MCF2L2: variants seen among roughly 807,000 people sequenced by gnomAD.
MCF2L2 encodes the protein MCF.2 cell line derived transforming sequence-like 2.
MCF2L2 carries 102 observed loss-of-function variants against 150.2 expected under a neutral mutation model. The observed-to-expected ratio is 0.68, with a 90% confidence interval of 0.58 to 0.80. The LOEUF is 0.80. Ranked by LOEUF, MCF2L2 falls within the 30% of genes least tolerant of loss-of-function variation. The probability of loss-of-function intolerance (pLI) is 0.00; values close to 1 mark genes in which losing one functional copy is unlikely to be tolerated. For synonymous variants in MCF2L2, 465 were observed against 491.3 expected, an observed-to-expected ratio of 0.95 and a Z score of 0.71; for missense variants, 1,256 against 1,372.8, an observed-to-expected ratio of 0.91 and a Z score of 1.34.
At position 183,270,264 on chromosome 3, in the gene MCF2L2, A is replaced by G. The variant is rs1468655558; in HGVS notation, c.1862+6608T>C. The G allele has an allele frequency of 3.1e-6, 5 of 1,614,098 alleles. No individual in the cohort carries two copies. Among genetic ancestry groups the G allele is most frequent in the Admixed American group, 3.3e-5 (2 of 60,014 alleles). ...TTGGGAAGATCAAAGGTACAATGAT[A>G]TAATTCAGCAAGACTTTGTTGATTC... On this transcript the variant is annotated intron_variant, in intron 15 of 29. Transcript: ENST00000328913. The surrounding 1 kb of genome is among the most constrained non-coding windows in gnomAD (Gnocchi z 4.5).
In MCF2L2 at chr3:183,295,445, A is replaced by C; in HGVS notation, c.1530T>G (p.Asp510Glu). The C allele has an allele frequency of 6.2e-7, 1 of 1,614,088 alleles. No individual in the cohort carries two copies. Among genetic ancestry groups the C allele is most frequent in the Non-Finnish European group, 8.5e-7 (1 of 1,180,010 alleles). The change falls in exon 13 of 30, where the codon GAT becomes GAG. Residue 510 changes from aspartate (D) to glutamate (E), a missense_variant. Coordinates refer to ENST00000328913, the MANE Select transcript of MCF2L2 (RefSeq NM_015078.4). ...AKAQKVLQRL[D>E]DVQEIFHKRQ... is the part of the protein sequence containing the mutation. ...TCTTGTGAAATATTTCCTGGACATC[A>C]TCCAGCCTCTGCAAAACTTTCTGGG...
intron 1 of MCF2L2, chr3:183,400,636 T>A: frequency 2.9e-6 from 1 of 346,520 alleles, no homozygotes; most frequent in Non-Finnish European, 5.7e-6. Context: ...TTGATCCTTT[T>A]GATTGGTGAG....
chr3:183,218,171 T>C (rs1056839884), intron 21 of MCF2L2, among the ~76,000 whole-genome samples: 2 of 152,218 alleles, frequency 1.3e-5, no homozygotes, highest in Non-Finnish European at 2.9e-5. Flanking sequence ...TATTTGCATC[T>C]TTGGATGAGA....
At position 183,270,193 on chromosome 3, in the gene MCF2L2, G is replaced by T; in HGVS notation, c.1862+6679C>A. The T allele has an allele frequency of 6.2e-7, 1 of 1,614,160 alleles. No individual in the cohort carries two copies. The highest frequency in any genetic ancestry group is 8.5e-7 in the Non-Finnish European group (1 of 1,180,036). On this transcript the variant is annotated intron_variant, in intron 15 of 29. Coordinates refer to ENST00000328913, the MANE Select transcript of MCF2L2 (RefSeq NM_015078.4). This position sits in a 1 kb window ranked among gnomAD's most constrained non-coding sequence, Gnocchi z 4.5. ...AACATCAAAACTCTGTTTGCCTTAG[G>T]AACTCCTAATCCACTGGAGGGAGAA...
intron 15 of MCF2L2, among the ~76,000 whole-genome samples, chr3:183,250,574 G>A (rs1216326621): frequency 6.7e-6 from 1 of 149,134 alleles, no homozygotes; most frequent in South Asian, 2.1e-4. Flanking sequence ...GTGACAGAGC[G>A]ATACTTCGTT....
At chr3:183,325,411 T>A (rs1016664053) in intron 5 of MCF2L2, among the ~76,000 whole-genome samples, 4 of 152,156 alleles carry the variant, frequency 2.6e-5, no homozygotes, top group Non-Finnish European at 4.4e-5. Flanking sequence ...GTCTTGCTCC[T>A]CCACTTCTGA....
chr3:183,280,718 C>T (rs1054009080), intron 14 of MCF2L2, among the ~76,000 whole-genome samples: 1 of 151,686 alleles, frequency 6.6e-6, no homozygotes, highest in Non-Finnish European at 1.5e-5. Flanking sequence ...TATAGTGGTG[C>T]GCGCCTGTAC....
At chr3:183,401,039 C>T (rs1349902951) in intron 1 of MCF2L2, among the ~76,000 whole-genome samples, 1 of 152,050 alleles carries the variant, frequency 6.6e-6, no homozygotes, top group Non-Finnish European at 1.5e-5. Flanking sequence ...GGATGTAGAG[C>T]GCCTCCTGAA....
At chr3:183,411,684 C>T (rs147901009) in intron 1 of MCF2L2, among the ~76,000 whole-genome samples, 1 of 151,156 alleles carries the variant, frequency 6.6e-6, no homozygotes, top group Non-Finnish European at 1.5e-5. Flanking sequence ...GTAGCCATAG[C>T]TGAGAAGTAC....
At chr3:183,339,876 C>A (rs556363856) in intron 4 of MCF2L2, among the ~76,000 whole-genome samples, 1 of 152,078 alleles carries the variant, frequency 6.6e-6, no homozygotes, top group Non-Finnish European at 1.5e-5. Flanking sequence ...TGGCAGGTAG[C>A]CAGATTTGGG....
intron 13 of MCF2L2, 65 bp from the exon 14 acceptor site, chr3:183,289,285 G>A (rs753685976): frequency 3.2e-5 from 35 of 1,091,334 alleles, no homozygotes; most frequent in Admixed American, 5.6e-5. Flanking sequence ...CACTTTGTCT[G>A]ATTTGGACAA....
intron 23 of MCF2L2, 32 bp from the exon 24 acceptor site, chr3:183,206,246 A>C (rs761759081): frequency 2.0e-6 from 3 of 1,480,974 alleles, no homozygotes. Context: ...AATGTTCTAT[A>C]CCATCGTTTT....
intron 5 of MCF2L2, among the ~76,000 whole-genome samples, chr3:183,333,213 A>G (rs1403590554): frequency 2.0e-5 from 3 of 151,842 alleles, no homozygotes; most frequent in Non-Finnish European, 4.4e-5. Flanking sequence ...TGCCTGACTA[A>G]TTTTTGTATT....
At chr3:183,276,837 C>T (rs1183609594) in intron 15 of MCF2L2, 35 bp downstream of exon 15, 3 of 1,517,934 alleles carry the variant, frequency 2.0e-6, no homozygotes, top group African/African-American at 2.7e-5. Flanking sequence ...CCCCGCACCC[C>T]CTCGCCCCCT....
intron 22 of MCF2L2, among the ~76,000 whole-genome samples, chr3:183,209,952 C>T (rs1226269270): frequency 6.6e-6 from 1 of 151,542 alleles, no homozygotes; most frequent in African/African-American, 2.4e-5. Context: ...AAAAAAACTC[C>T]AAAACACTTT....
At chr3:183,360,301 C>T (rs1712054420) in intron 3 of MCF2L2, among the ~76,000 whole-genome samples, 1 of 152,148 alleles carries the variant, frequency 6.6e-6, no homozygotes, top group Non-Finnish European at 1.5e-5. Flanking sequence ...AAGGGGGTGG[C>T]TCATCCCTGT....
In MCF2L2 at chr3:183,255,501, A is replaced by G. The variant is rs141126303; in HGVS notation, c.1862+21371T>C. On this transcript the variant is annotated intron_variant, in intron 15 of 29. Transcript: ENST00000328913. ...CACACGCTCTGAGCATTGACTGAGC[A>G]CTCTGAGGAGGAGGCTGACTCAGGC... 9.2e-5 allele frequency among the ~76,000 whole-genome samples: 14 copies of G among 152,264 alleles called. No homozygotes were observed. The East Asian group carries it at 2.7e-3, about 29-fold the overall frequency.
chr3:183,411,563 A>G (rs1715317004), intron 1 of MCF2L2, among the ~76,000 whole-genome samples: 3 of 152,198 alleles, frequency 2.0e-5, no homozygotes, highest in Middle Eastern at 6.8e-3. Context: ...AGATTTTTAA[A>G]TTAGCTATAT....
At chr3:183,278,283 T>TTGTGTGTG (rs144622953) in intron 14 of MCF2L2, among the ~76,000 whole-genome samples, 2 of 138,474 alleles carry the variant, frequency 1.4e-5, no homozygotes, top group African/African-American at 5.8e-5. Context: ...AATGAAAAAA[T>TTGTGTGTG]TGTGTGTGTG....
Sources: gnomAD v4.1 joint callset for allele counts (sites outside exome capture counted in the v4.1 genomes callset) on GRCh38, gnomAD v4.1.1 for gene constraint, Gnocchi (gnomAD v3.1) non-coding constraint, MANE v1.5 for transcripts, NCBI Gene and HGNC (gene_info 2026-07-23, HGNC 2026-07-21) for gene names.